Variants in MDM4 observed in about 807,000 individuals in gnomAD.
MDM4 encodes the protein protein Mdm4.
A neutral mutation model predicts 60.2 loss-of-function variants in MDM4; 2 were observed. The ratio of observed to expected loss-of-function variants is 0.03; its 90% CI spans 0.01 to 0.10. The LOEUF is 0.10. Among genes scored for constraint, MDM4 ranks in the 10% least tolerant of loss-of-function variants. The pLI is 1.00. For synonymous variants in MDM4, 202 were observed against 198.1 expected (o/e 1.02, Z -0.17); for missense variants, 447 against 577.5 (o/e 0.77, Z 2.32).
intron 4 of MDM4, 50 bp downstream of exon 4, chr1:204,530,867 A>G: frequency 6.2e-7 from 1 of 1,610,758 alleles, no homozygotes; most frequent in Non-Finnish European, 8.5e-7. Context: ...ATACCTAGCC[A>G]CTTAATTTCT....
intron 1 of MDM4, among the ~76,000 whole-genome samples, chr1:204,520,006 G>A (rs1167927240): frequency 2.0e-5 from 3 of 152,068 alleles, no homozygotes; most frequent in Admixed American, 6.6e-5. Context: ...GGCTGGGCGC[G>A]GTGGCTTATG....
intron 5 of MDM4, among the ~76,000 whole-genome samples, chr1:204,536,271 T>C (rs959853557): frequency 2.0e-5 from 3 of 152,148 alleles, no homozygotes; most frequent in Non-Finnish European, 2.9e-5. Context: ...AAAAAATTGC[T>C]CCATCTGCAT....
intron 1 of MDM4, among the ~76,000 whole-genome samples, chr1:204,521,681 A>G (rs911194548): frequency 1.3e-5 from 2 of 152,152 alleles, no homozygotes; most frequent in African/African-American, 4.8e-5. Flanking sequence ...TCATAGGGCC[A>G]GTTAGGGAGC....
intron 6 of MDM4, chr1:204,537,967 A>G (rs1278028321): frequency 4.1e-6 from 3 of 736,014 alleles, no homozygotes; most frequent in Middle Eastern, 2.3e-4. Flanking sequence ...TGTTTTTAAC[A>G]GTAGATTTTG....
chr1:204,548,548 T>C (rs908998634), intron 10 of MDM4, among the ~76,000 whole-genome samples: 2 of 152,230 alleles, frequency 1.3e-5, no homozygotes, highest in Admixed American at 6.5e-5. Flanking sequence ...AGGGAAAAAT[T>C]ACTTGGCATT....
chr1:204,535,929 T>G (rs1234001698), intron 5 of MDM4, among the ~76,000 whole-genome samples: 1 of 152,208 alleles, frequency 6.6e-6, no homozygotes, highest in Non-Finnish European at 1.5e-5. Flanking sequence ...GTAGTAAGGC[T>G]TTGGAAATAT....
rs1250850449 is a variant in MDM4, at chr1:204,527,208, G to A, written c.153+774G>A. Among the ~76,000 whole-genome samples, 8 of 152,078 alleles carry A rather than the reference G, an allele frequency of 5.3e-5. 1 individual carries two copies. In the East Asian group the frequency reaches 1.6e-3, roughly 29 times the overall value. On this transcript the variant is annotated intron_variant, in intron 3 of 10. Transcript: ENST00000367182. ...AGTCCCAGCAGCTACATGGGAGGCT[G>A]AAGTGGGAGGATCGCTTGAACCCAG...
chr1:204,531,846 C>T lies in MDM4; in HGVS notation c.288-345C>T, dbSNP rs940973657. Among the ~76,000 whole-genome samples, 15 of 151,984 alleles carry T rather than the reference C, an allele frequency of 9.9e-5. No homozygotes were observed. In the East Asian group the frequency reaches 2.5e-3, roughly 26 times the overall value. On this transcript the variant is annotated intron_variant, in intron 4 of 10. Coordinates refer to ENST00000367182, the MANE Select transcript of MDM4 (RefSeq NM_002393.5). ...AAACTCCGTCTCCAAAAAAAAAAGA[C>T]TCCCCTCCACCCCCACTTTCCAATT... is the stretch of plus-strand genomic sequence containing the variant.
intron 1 of MDM4, among the ~76,000 whole-genome samples, chr1:204,522,232 G>A (rs1659637300): frequency 6.6e-6 from 1 of 152,052 alleles, no homozygotes; most frequent in Admixed American, 6.6e-5. Context: ...GGAGGCTGAG[G>A]TGGGAGGACT....
At chr1:204,541,886 A>T (rs1350219276) in intron 7 of MDM4, among the ~76,000 whole-genome samples, 1 of 152,228 alleles carries the variant, frequency 6.6e-6, no homozygotes, top group African/African-American at 2.4e-5. Context: ...ACTTCAGCAC[A>T]CGTTAACCCC....
In MDM4 at chr1:204,529,433, C is replaced by T. The variant is rs1558317075; in HGVS notation, c.154-1251C>T. 4.7e-6 allele frequency: 7 copies of T among 1,482,300 alleles called. No individual in the cohort carries two copies. In the Admixed American group the frequency reaches 1.0e-4, roughly 22 times the overall value. The allele number at this position is 1,482,300 out of a possible 1,614,324, so 91.8% of individuals were successfully genotyped here. ...TTGGAGGTGGCTGACCATAGGGGCC[C>T]CCTGGAGCTGTACCATCATTTGGTC... On this transcript the variant is annotated intron_variant, in intron 3 of 10. Coordinates refer to ENST00000367182, the MANE Select transcript of MDM4 (RefSeq NM_002393.5).
intron 1 of MDM4, chr1:204,525,247 T>TA: frequency 1.3e-6 from 1 of 776,228 alleles, no homozygotes. Flanking sequence ...CTGAAACTGT[T>TA]ACTGTTTCAG....
At chr1:204,535,918 G>A (rs1269826695) in intron 5 of MDM4, among the ~76,000 whole-genome samples, 1 of 152,174 alleles carries the variant, frequency 6.6e-6, no homozygotes, top group Non-Finnish European at 1.5e-5. Flanking sequence ...ACCTAAGTAA[G>A]GTAGTAAGGC....
At position 204,529,676 on chromosome 1, in the gene MDM4, C is replaced by G. The variant is rs150245296; in HGVS notation, c.154-1008C>G. 8.1e-3 allele frequency: 4,887 copies of G among 606,972 alleles called. 28 individuals are homozygous for G. The highest frequency in any genetic ancestry group is 9.8e-3 in the Non-Finnish European group (3,480 of 353,460). 37.6% of individuals were successfully genotyped at this position (606,972 alleles called of 1,614,324 possible). On this transcript the variant is annotated intron_variant, in intron 3 of 10. Coordinates refer to ENST00000367182, the MANE Select transcript of MDM4 (RefSeq NM_002393.5). ...CCCTGCATCTCCAGGGCAGCCCCGC[C>G]CATACAGATAGCTGGCTGTGGCAAT...
At chr1:204,523,019 C>T (rs569021518) in intron 1 of MDM4, among the ~76,000 whole-genome samples, 18 of 151,850 alleles carry the variant, frequency 1.2e-4, no homozygotes, top group African/African-American at 2.4e-4. Flanking sequence ...TGTGCCACCA[C>T]GCTCGCCTAA....
At chr1:204,538,823 A>G (rs1219485724) in intron 7 of MDM4, among the ~76,000 whole-genome samples, 9 of 149,408 alleles carry the variant, frequency 6.0e-5, no homozygotes, top group Non-Finnish European at 1.3e-4. Context: ...CTTGTGCCTC[A>G]GCCTCCTGAG....
At chr1:204,539,482 T>G (rs978839944) in intron 7 of MDM4, among the ~76,000 whole-genome samples, 3 of 152,156 alleles carry the variant, frequency 2.0e-5, no homozygotes, top group Admixed American at 2.0e-4. Context: ...CAAAGGATCT[T>G]AGAATAAGTT....
At chr1:204,529,187 T>C (rs913868844) in intron 3 of MDM4, 19 of 789,622 alleles carry the variant, frequency 2.4e-5, no homozygotes, top group Non-Finnish European at 4.0e-5. Flanking sequence ...TAGACATTTA[T>C]GTGGCCTGAT....
At position 204,550,954 on chromosome 1, in the gene MDM4, C is replaced by G. The variant is rs751452709; in HGVS notation, c.*1272C>G. 2 of 184,342 alleles carry G rather than the reference C, an allele frequency of 1.1e-5. No individual in the cohort carries two copies. Among genetic ancestry groups the G allele is most frequent in the African/African-American group, 2.3e-5 (1 of 42,588 alleles). The allele number at this position is 184,342 out of a possible 1,614,324, so 11.4% of individuals were successfully genotyped here. A position where few individuals can be genotyped will look rare whatever the true frequency, so the allele number is the denominator to read the frequency against. ...ATTTAATTAGCCAAATCAGACTTAA[C>G]TTCCGTCAGAACATGTCTTGGTTTT... On this transcript the variant is annotated 3_prime_UTR_variant, in exon 11 of 11. Coordinates refer to ENST00000367182, the MANE Select transcript of MDM4 (RefSeq NM_002393.5).
Sources: gnomAD v4.1 joint callset for allele counts (sites outside exome capture counted in the v4.1 genomes callset) on GRCh38, gnomAD v4.1.1 for gene constraint, MANE v1.5 for transcripts, NCBI Gene and HGNC (gene_info 2026-07-23, HGNC 2026-07-21) for gene names.